The following SUMF1 variants were observed in gnomAD, a reference collection of about 807,000 sequenced individuals.
SUMF1 encodes formylglycine-generating enzyme.
SUMF1 carries 48 observed loss-of-function variants against 47.6 expected under a neutral mutation model. The observed-to-expected ratio is 1.01, with a 90% CI of 0.80 to 1.28. The LOEUF is 1.28. Among genes scored for constraint, SUMF1 ranks in the 50% most tolerant of loss-of-function variants. SUMF1 has a pLI of 0.00. For missense variants in SUMF1, 571 were observed against 485.4 expected (o/e 1.18, Z -1.66); for synonymous variants, 230 against 192.1 (o/e 1.20, Z -1.63).
At chr3:4,404,615 G>T (rs1274920658) in intron 7 of SUMF1, among the ~76,000 whole-genome samples, 1 of 152,110 alleles carries the variant, frequency 6.6e-6, no homozygotes, top group Non-Finnish European at 1.5e-5. Context: ...AAATTAGCCA[G>T]GCGTGGTGAC....
At chr3:4,382,944 T>G (rs2124887847) in intron 7 of SUMF1, among the ~76,000 whole-genome samples, 1 of 151,926 alleles carries the variant, frequency 6.6e-6, no homozygotes, top group East Asian at 1.9e-4. Flanking sequence ...AGGGGAGGGA[T>G]AGCATTAGGA....
intron 8 of SUMF1, among the ~76,000 whole-genome samples, chr3:4,263,563 T>C (rs1311878667): frequency 1.3e-5 from 2 of 152,160 alleles, no homozygotes; most frequent in African/African-American, 4.8e-5. Flanking sequence ...CACTGGTCCA[T>C]TTCTATTCCA....
Position 4,411,739 on chromosome 3 carries a change from A to G in SUMF1, c.841-761T>C, listed in dbSNP as rs535076089. 3.3e-5 allele frequency among the ~76,000 whole-genome samples: 5 copies of G among 151,934 alleles called. No individual in the cohort carries two copies. In the South Asian group the frequency reaches 1.0e-3, roughly 32 times the overall value. ...AAAAAAAAAACTTTAACTGAACAAT[A>G]ATAAATGCAGAATAGTTTTGCTGGC... On this transcript the variant is annotated intron_variant, in intron 6 of 8. Transcript: ENST00000272902.
chr3:4,109,624 C>A (rs1322261828), intron 8 of SUMF1, among the ~76,000 whole-genome samples: 1 of 151,994 alleles, frequency 6.6e-6, no homozygotes, highest in African/African-American at 2.4e-5. Flanking sequence ...TTGTTCATTT[C>A]TTTTTATTCT....
intron 8 of SUMF1, among the ~76,000 whole-genome samples, chr3:4,169,456 A>T (rs1029781126): frequency 6.6e-6 from 1 of 152,198 alleles, no homozygotes; most frequent in African/African-American, 2.4e-5. Context: ...GGAACGAGGC[A>T]TCTACAAGAC....
At chr3:4,459,955 C>G (rs2079766385) in intron 1 of SUMF1, among the ~76,000 whole-genome samples, 1 of 152,150 alleles carries the variant, frequency 6.6e-6, no homozygotes, top group Non-Finnish European at 1.5e-5. Context: ...TCTAAATGTC[C>G]ATCAATAGCA....
intron 8 of SUMF1, among the ~76,000 whole-genome samples, chr3:4,343,048 G>C (rs1226443697): frequency 6.6e-6 from 1 of 152,192 alleles, no homozygotes; most frequent in Non-Finnish European, 1.5e-5. Context: ...TATGAACCCA[G>C]TCTTTTAGAG....
chr3:4,061,834 C>T (rs1695280817), intron 9 of SUMF1, among the ~76,000 whole-genome samples: 1 of 152,072 alleles, frequency 6.6e-6, no homozygotes, highest in South Asian at 2.1e-4. Context: ...AGTTAGGTTA[C>T]AGTGCAGTGT....
intron 8 of SUMF1, among the ~76,000 whole-genome samples, chr3:4,217,514 T>TATATATATATATATATATATATATA (rs1553610066): frequency 2.2e-5 from 1 of 45,198 alleles, no homozygotes; most frequent in African/African-American, 1.0e-4. Context: ...AAAGTATTTT[T>TATATATATATATATATATATATATA]TATATATATA....
intron 8 of SUMF1, among the ~76,000 whole-genome samples, chr3:4,261,407 C>A (rs1217563419): frequency 2.6e-5 from 4 of 152,198 alleles, no homozygotes; most frequent in Admixed American, 2.0e-4. Context: ...TACCTTGTTA[C>A]TTTTACTTAA....
intron 8 of SUMF1, among the ~76,000 whole-genome samples, chr3:4,072,054 A>C (rs1428245641): frequency 6.6e-6 from 1 of 152,170 alleles, no homozygotes; most frequent in Non-Finnish European, 1.5e-5. Flanking sequence ...ACTGCTTGGC[A>C]TCTGGCAGGT....
intron 8 of SUMF1, among the ~76,000 whole-genome samples, chr3:4,077,207 G>A (rs1692458182): frequency 6.6e-6 from 1 of 152,064 alleles, no homozygotes; most frequent in South Asian, 2.1e-4. Context: ...CACTGTTGGT[G>A]GGAGTGTAAA....
At chr3:4,041,149 C>T (rs546270228) in intron 9 of SUMF1, among the ~76,000 whole-genome samples, 4 of 152,246 alleles carry the variant, frequency 2.6e-5, no homozygotes, top group Middle Eastern at 3.4e-3. Flanking sequence ...CTCAGCTCAC[C>T]GCAACCTCCG....
chr3:4,086,976 T>C (rs1031225526), intron 8 of SUMF1, among the ~76,000 whole-genome samples: 1 of 152,162 alleles, frequency 6.6e-6, no homozygotes, highest in Non-Finnish European at 1.5e-5. Flanking sequence ...TTACCCAGTC[T>C]TGGGTATGTC....
At chr3:4,330,195 A>G (rs906192430) in intron 8 of SUMF1, among the ~76,000 whole-genome samples, 1 of 152,060 alleles carries the variant, frequency 6.6e-6, no homozygotes, top group Admixed American at 6.6e-5. Flanking sequence ...CTTTCTTCTG[A>G]CCTCTCCAAA....
chr3:4,307,444 G>A (rs372203867), intron 8 of SUMF1, among the ~76,000 whole-genome samples: 1 of 152,230 alleles, frequency 6.6e-6, no homozygotes, highest in East Asian at 1.9e-4. Flanking sequence ...CACAATTAGA[G>A]AGCCCTACAA....
chr3:4,070,159 C>A (rs928791470), intron 8 of SUMF1, among the ~76,000 whole-genome samples: 1 of 152,164 alleles, frequency 6.6e-6, no homozygotes, highest in Non-Finnish European at 1.5e-5. Context: ...GGAGCTCCCA[C>A]TTTGAGTTGT....
At chr3:4,264,367 G>A (rs1026821438) in intron 8 of SUMF1, among the ~76,000 whole-genome samples, 2 of 152,170 alleles carry the variant, frequency 1.3e-5, no homozygotes, top group African/African-American at 4.8e-5. Context: ...AAGCCATCGC[G>A]TTCATATTAT....
chr3:4,148,320 C>G (rs574501487), intron 8 of SUMF1, among the ~76,000 whole-genome samples: 1 of 152,092 alleles, frequency 6.6e-6, no homozygotes, highest in African/African-American at 2.4e-5. Context: ...CATATAGTTA[C>G]AAGTAGTGTT....
Sources: allele counts gnomAD v4.1 joint callset (sites outside exome capture counted in the v4.1 genomes callset), GRCh38; gene constraint gnomAD v4.1.1; transcripts MANE v1.5; gene names NCBI Gene and HGNC (gene_info 2026-07-23, HGNC 2026-07-21).